Variants in SYT1 observed in about 807,000 individuals in gnomAD.
SYT1 encodes synaptotagmin 1, also known as synaptotagmin-1.
Under a neutral mutation model 44.8 loss-of-function variants are expected in SYT1, and 8 were observed. The observed-to-expected ratio is 0.18, with a 90% confidence interval of 0.10 to 0.32. The LOEUF (loss-of-function observed/expected upper bound fraction) is 0.32. SYT1 is among the 10% of genes least tolerant of loss of function. The probability of loss-of-function intolerance (pLI) is 1.00; values close to 1 mark genes in which losing one functional copy is unlikely to be tolerated. For synonymous variants in SYT1, 154 were observed against 188.8 expected (o/e 0.82, Z 1.51); for missense variants, 286 against 509.3 (o/e 0.56, Z 4.22).
intron 5 of SYT1, among the ~76,000 whole-genome samples, chr12:79,286,446 A>T (rs758110545): frequency 1.3e-5 from 2 of 152,204 alleles, no homozygotes; most frequent in Admixed American, 6.5e-5. Flanking sequence ...CCAGCTGAAA[A>T]ATTAATTCTC....
intron 9 of SYT1, among the ~76,000 whole-genome samples, chr12:79,356,732 C>T (rs1883128264): frequency 6.6e-6 from 1 of 152,196 alleles, no homozygotes; most frequent in Admixed American, 6.5e-5. Flanking sequence ...ATTTATTTAA[C>T]TCTTCTAAGC....
chr12:79,014,132 A>AG (rs1482734157), intron 2 of SYT1, among the ~76,000 whole-genome samples: 3 of 144,874 alleles, frequency 2.1e-5, no homozygotes, highest in African/African-American at 8.3e-5. Context: ...CAAAAAAAAA[A>AG]AAAAAAGAAA....
At chr12:79,323,797 G>C (rs968092893) in intron 8 of SYT1, among the ~76,000 whole-genome samples, 3 of 151,150 alleles carry the variant, frequency 2.0e-5, no homozygotes, top group African/African-American at 7.3e-5. Context: ...AATAGAAAAA[G>C]CAAAATATAA....
chr12:78,885,951 T>G (rs1158830883), intron 1 of SYT1, among the ~76,000 whole-genome samples: 1 of 152,012 alleles, frequency 6.6e-6, no homozygotes, highest in African/African-American at 2.4e-5. Context: ...TCCTAGATTT[T>G]GTGACCTCTA....
At position 79,047,311 on chromosome 12, in the gene SYT1, T is replaced by C. The variant is rs775998576; in HGVS notation, c.-69T>C. On this transcript the variant is annotated 5_prime_UTR_variant, in exon 3 of 11. Coordinates refer to ENST00000261205, the MANE Select transcript of SYT1 (RefSeq NM_005639.3). ...TTTCCTTTTAGAAAAACAGAATAAT[T>C]CTGAAAGAAAGAAAACAAAGAAAAA... is the stretch of plus-strand genomic sequence containing the variant. 2 of 151,756 alleles carry C rather than the reference T, an allele frequency of 1.3e-5. No individual in the cohort carries two copies. The highest frequency in any genetic ancestry group is 3.0e-5 in the Non-Finnish European group (2 of 67,748). 9.4% of individuals were successfully genotyped at this position (151,756 alleles called of 1,614,324 possible). A position where few individuals can be genotyped will look rare whatever the true frequency, so the allele number is the denominator to read the frequency against.
chr12:79,066,379 C>T lies in SYT1; in HGVS notation c.-18+19017C>T, dbSNP rs866418437. ...TAAACCTGAATTCTTTCTGCAACAC[C>T]GAACTTTTATAAGCCAGAGGTACAG... On this transcript the variant is annotated intron_variant, in intron 3 of 10. Transcript: ENST00000261205. 6.7e-4 allele frequency among the ~76,000 whole-genome samples: 102 copies of T among 151,792 alleles called. 1 individual carries two copies. Among genetic ancestry groups the T allele is most frequent in the Middle Eastern group, 6.8e-3 (2 of 294 alleles).
rs768328202 is a variant in SYT1 at position 79,353,670 on chromosome 12, T to C, written c.928+51T>C. The C allele has an allele frequency of 2.1e-5, 28 of 1,321,498 alleles. 1 individual carries two copies. In the South Asian group the frequency reaches 3.0e-4, roughly 14 times the overall value. The allele number at this position is 1,321,498 out of a possible 1,614,324, so 81.9% of individuals were successfully genotyped here. A position where few individuals can be genotyped will look rare whatever the true frequency, so the allele number is the denominator to read the frequency against. On this transcript the variant is annotated intron_variant, in intron 9 of 10. Coordinates refer to ENST00000261205, the MANE Select transcript of SYT1 (RefSeq NM_005639.3). The stretch of plus-strand genomic sequence containing the variant: ...TTTTCAAATGCTGTTTCGTCGTGGA[T>C]ACCAAATGCATGGCGCACATGCTGC...
At chr12:78,888,817 A>C (rs1565703243) in intron 1 of SYT1, among the ~76,000 whole-genome samples, 1 of 151,750 alleles carries the variant, frequency 6.6e-6, no homozygotes, top group Admixed American at 6.6e-5. Context: ...GCTCACTGTC[A>C]CTTCTATTTT....
chr12:79,271,208 A>T (rs1013739254), intron 4 of SYT1, among the ~76,000 whole-genome samples: 9 of 152,340 alleles, frequency 5.9e-5, no homozygotes, highest in Admixed American at 3.9e-4. Context: ...AGAGAAAGAT[A>T]TTTGGAGCAT....
chr12:78,978,643 A>G (rs953879620), intron 2 of SYT1, among the ~76,000 whole-genome samples: 1 of 152,206 alleles, frequency 6.6e-6, no homozygotes, highest in African/African-American at 2.4e-5. Flanking sequence ...ACACAATTCT[A>G]TGAAGTAAAC....
chr12:78,870,626 C>G lies in SYT1; in HGVS notation c.-217+5517C>G, dbSNP rs369951549. ...TGTCCTCTTCCATCATGCTCCCTGA[C>G]AGCAGCCATCATTTCAGTCCCTTGA... On this transcript the variant is annotated intron_variant, in intron 1 of 10. Transcript: ENST00000261205. Among the ~76,000 whole-genome samples the G allele has an allele frequency of 4.9e-4, 75 of 152,174 alleles. 1 individual carries two copies. The South Asian group carries it at 0.015, about 30-fold the overall frequency.
intron 3 of SYT1, among the ~76,000 whole-genome samples, chr12:79,089,708 A>G (rs534631098): frequency 6.6e-6 from 1 of 152,180 alleles, no homozygotes; most frequent in East Asian, 1.9e-4. Flanking sequence ...AATTTTCAGT[A>G]TCCTGCTACT....
At chr12:79,092,040 A>C (rs1224803032) in intron 3 of SYT1, among the ~76,000 whole-genome samples, 1 of 151,874 alleles carries the variant, frequency 6.6e-6, no homozygotes, top group Non-Finnish European at 1.5e-5. Flanking sequence ...AGGAGGAGTC[A>C]CCCTCAAATT....
chr12:79,134,189 A>G (rs533378766), intron 3 of SYT1, among the ~76,000 whole-genome samples: 16 of 152,346 alleles, frequency 1.1e-4, no homozygotes. Flanking sequence ...AAACTGGATA[A>G]TTACATATTC....
intron 3 of SYT1, among the ~76,000 whole-genome samples, chr12:79,175,690 A>C (rs757285736): frequency 9.9e-5 from 15 of 152,030 alleles, no homozygotes; most frequent in Non-Finnish European, 2.2e-4. Flanking sequence ...CAAAGGCAGG[A>C]GTAGAGACAA....
intron 4 of SYT1, among the ~76,000 whole-genome samples, chr12:79,271,173 C>G (rs1345785611): frequency 1.3e-5 from 2 of 152,118 alleles, no homozygotes; most frequent in Non-Finnish European, 2.9e-5. Context: ...AAGATTTCAT[C>G]TTTGTTTTCA....
At chr12:79,293,259 G>A (rs1879681989) in intron 6 of SYT1, among the ~76,000 whole-genome samples, 1 of 151,398 alleles carries the variant, frequency 6.6e-6, no homozygotes, top group Non-Finnish European at 1.5e-5. Flanking sequence ...GGGAGGCAGA[G>A]CTTGCAGTGA....
chr12:78,899,308 A>G (rs1042465512), intron 1 of SYT1, among the ~76,000 whole-genome samples: 1 of 152,032 alleles, frequency 6.6e-6, no homozygotes, highest in Admixed American at 6.6e-5. Flanking sequence ...GTAATAACTA[A>G]TTCAGTAAAT....
intron 3 of SYT1, among the ~76,000 whole-genome samples, chr12:79,075,091 C>T (rs1338366629): frequency 2.6e-5 from 4 of 152,096 alleles, no homozygotes; most frequent in Admixed American, 1.3e-4. Context: ...GAAGAACAAG[C>T]CCTATATTTG....
Sources: gnomAD v4.1 joint callset for allele counts (sites outside exome capture counted in the v4.1 genomes callset) on GRCh38, gnomAD v4.1.1 for gene constraint, MANE v1.5 for transcripts, NCBI Gene and HGNC (gene_info 2026-07-23, HGNC 2026-07-21) for gene names.